RBFOX1: variants seen among roughly 807,000 people sequenced by gnomAD.
The protein encoded by RBFOX1 is RNA binding protein fox-1 homolog 1.
In RBFOX1, 8 loss-of-function variants were observed where a neutral mutation model predicts 57.7. That is an observed-to-expected ratio of 0.14 (90% CI 0.08 to 0.25). RBFOX1 has a LOEUF of 0.25. RBFOX1 is among the 10% of genes least tolerant of loss of function. The pLI, the probability that RBFOX1 is intolerant of heterozygous loss-of-function variation, is 1.00. For synonymous variants in RBFOX1, 326 were observed against 222.4 expected, an observed-to-expected ratio of 1.47 and a Z score of -4.15; for missense variants, 611 against 548.5, an observed-to-expected ratio of 1.11 and a Z score of -1.14.
chr16:7,686,023 A>G (rs1035166688), intron 14 of RBFOX1, among the ~76,000 whole-genome samples: 1 of 152,048 alleles, frequency 6.6e-6, no homozygotes, highest in Non-Finnish European at 1.5e-5. Flanking sequence ...TGCCTCATCT[A>G]TAAAGTGGGA....
At chr16:6,871,945 G>GTGTGTGTT (rs2060975944) in intron 3 of RBFOX1, among the ~76,000 whole-genome samples, 1 of 150,630 alleles carries the variant, frequency 6.6e-6, no homozygotes, top group Non-Finnish European at 1.5e-5. Flanking sequence ...GTGTGTGTGT[G>GTGTGTGTT]TGTGTGTGTG....
chr16:7,415,079 A>T (rs1040627955), intron 4 of RBFOX1, among the ~76,000 whole-genome samples: 1 of 152,214 alleles, frequency 6.6e-6, no homozygotes, highest in African/African-American at 2.4e-5. Flanking sequence ...TTCAGACTTC[A>T]TTTCCAAAGT....
chr16:7,126,919 G>A (rs767709921), intron 4 of RBFOX1, among the ~76,000 whole-genome samples: 4 of 150,000 alleles, frequency 2.7e-5, no homozygotes, highest in Admixed American at 6.7e-5. Flanking sequence ...TGAGGCAGGA[G>A]AATAGCTTAA....
intron 5 of RBFOX1, among the ~76,000 whole-genome samples, chr16:7,529,884 C>A (rs1331645708): frequency 6.6e-6 from 1 of 151,776 alleles, no homozygotes; most frequent in South Asian, 2.1e-4. Flanking sequence ...TGGCGGGCAC[C>A]TGTAATCCCA....
chr16:5,635,885 G>C (rs2048668067), intron 3 of RBFOX1, among the ~76,000 whole-genome samples: 1 of 152,146 alleles, frequency 6.6e-6, no homozygotes, highest in South Asian at 2.1e-4. Flanking sequence ...ACACCAGCTA[G>C]ACAGGTCTAG....
intron 2 of RBFOX1, among the ~76,000 whole-genome samples, chr16:6,578,733 C>T (rs1250584877): frequency 6.6e-6 from 1 of 151,836 alleles, no homozygotes; most frequent in South Asian, 2.1e-4. Context: ...TATTTCAAGT[C>T]AGTTATCCCA....
intron 2 of RBFOX1, among the ~76,000 whole-genome samples, chr16:5,591,794 C>G (rs1320002818): frequency 6.6e-6 from 1 of 152,092 alleles, no homozygotes; most frequent in South Asian, 2.1e-4. Context: ...TATGTTGTTC[C>G]CAGTATTTTG....
intron 1 of RBFOX1, among the ~76,000 whole-genome samples, chr16:5,455,129 A>AGG (rs2068591097): frequency 6.6e-6 from 1 of 150,844 alleles, no homozygotes; most frequent in Admixed American, 6.7e-5. Flanking sequence ...CTTGACTGAT[A>AGG]TAACAGGCCA....
At chr16:7,066,769 G>A (rs1598565771) in intron 4 of RBFOX1, among the ~76,000 whole-genome samples, 1 of 152,106 alleles carries the variant, frequency 6.6e-6, no homozygotes, top group East Asian at 1.9e-4. Flanking sequence ...GGTTTTCCAG[G>A]GAGAAAAGTG....
At chr16:6,185,604 C>T (rs1223871096) in intron 1 of RBFOX1, among the ~76,000 whole-genome samples, 1 of 152,094 alleles carries the variant, frequency 6.6e-6, no homozygotes, top group Non-Finnish European at 1.5e-5. Context: ...GGTTTAAGTA[C>T]CAATGTACAC....
intron 3 of RBFOX1, among the ~76,000 whole-genome samples, chr16:5,694,244 C>A (rs1406251870): frequency 6.6e-6 from 1 of 152,200 alleles, no homozygotes; most frequent in Non-Finnish European, 1.5e-5. Context: ...CCTGATTTAC[C>A]AGCCTCAATT....
At chr16:7,262,669 A>T (rs1317783711) in intron 4 of RBFOX1, among the ~76,000 whole-genome samples, 2 of 152,250 alleles carry the variant, frequency 1.3e-5, no homozygotes, top group African/African-American at 4.8e-5. Flanking sequence ...CAATCTATCA[A>T]GGAGGGCGTG....
intron 1 of RBFOX1, among the ~76,000 whole-genome samples, chr16:6,287,725 A>G (rs2152713328): frequency 6.6e-6 from 1 of 152,298 alleles, no homozygotes; most frequent in South Asian, 2.1e-4. Flanking sequence ...TGTGATACAT[A>G]TGAAATGGCA....
At chr16:6,802,631 T>G (rs2085754151) in intron 3 of RBFOX1, among the ~76,000 whole-genome samples, 1 of 152,172 alleles carries the variant, frequency 6.6e-6, no homozygotes, top group South Asian at 2.1e-4. Flanking sequence ...GAGTTGAGAT[T>G]GTGCTACTGT....
Position 6,950,538 on chromosome 16 carries a change from T to A in RBFOX1, c.-15-101519T>A, listed in dbSNP as rs1483692918. Among the ~76,000 whole-genome samples the A allele has an allele frequency of 1.3e-5, 2 of 152,186 alleles. 1 individual carries two copies. Among genetic ancestry groups the A allele is most frequent in the South Asian group, 4.1e-4 (2 of 4,830 alleles). On this transcript the variant is annotated intron_variant, in intron 3 of 15. Coordinates refer to ENST00000550418, the MANE Select transcript of RBFOX1 (RefSeq NM_018723.4). ...AAATAGAAATTGCATTTGGCCATTA[T>A]TTCCAGGCTTAGAAATGAATGTGTG...
intron 11 of RBFOX1, among the ~76,000 whole-genome samples, chr16:7,633,908 G>C (rs1470063963): frequency 1.3e-5 from 2 of 152,260 alleles, no homozygotes; most frequent in Admixed American, 1.3e-4. Context: ...TTCTCTTCCA[G>C]ATTAGGTGCA....
intron 2 of RBFOX1, among the ~76,000 whole-genome samples, chr16:6,500,886 T>TGTTTGTTTGG (rs796977292): frequency 2.1e-5 from 3 of 145,492 alleles, no homozygotes; most frequent in Non-Finnish European, 3.0e-5. Flanking sequence ...GTTTTTTTTT[T>TGTTTGTTTGG]TTTTTTTTTT....
intron 4 of RBFOX1, among the ~76,000 whole-genome samples, chr16:7,356,946 T>C (rs1436685377): frequency 6.6e-6 from 1 of 152,208 alleles, no homozygotes; most frequent in Non-Finnish European, 1.5e-5. Context: ...GATCAAGTCT[T>C]GTTGCCTCTA....
Position 5,535,192 on chromosome 16 carries a change from A to G in RBFOX1, c.259-63710A>G, listed in dbSNP as rs183907263. ...GAACATCTAGTTCTTTAGTCACAGT[A>G]GCCACATTTCAAGTGCTCAGTAGCC... On this transcript the variant is annotated intron_variant, in intron 2 of 2. Coordinates refer to the RBFOX1 transcript ENST00000585867. 3.9e-5 allele frequency among the ~76,000 whole-genome samples: 6 copies of G among 152,346 alleles called. No homozygotes were observed. The East Asian group carries it at 1.2e-3, about 29-fold the overall frequency.
Sources: gnomAD v4.1 joint callset for allele counts (sites outside exome capture counted in the v4.1 genomes callset) on GRCh38, gnomAD v4.1.1 for gene constraint, MANE v1.5 for transcripts, NCBI Gene and HGNC (gene_info 2026-07-23, HGNC 2026-07-21) for gene names.